ROBO2: variants seen among roughly 807,000 people sequenced by gnomAD.
ROBO2 encodes roundabout homolog 2.
In ROBO2, 53 loss-of-function variants were observed where a neutral mutation model predicts 160.8. That is an observed-to-expected ratio of 0.33 (90% CI 0.26 to 0.41). The LOEUF (loss-of-function observed/expected upper bound fraction) is 0.41. ROBO2 is among the 10% of genes least tolerant of loss of function. ROBO2 has a pLI of 1.00. For missense variants in ROBO2, 1,577 were observed against 1,722.4 expected (o/e 0.92, Z 1.49); for synonymous variants, 664 against 611.7 (o/e 1.09, Z -1.26).
chr3:76,289,631 A>G (rs7635866), intron 2 of ROBO2, among the ~76,000 whole-genome samples: 107,070 of 152,078 alleles, frequency 0.7, 41,523 homozygotes, highest in Non-Finnish European at 0.89. Flanking sequence ...TAGGTTTTAC[A>G]TTTATGTCTT....
intron 2 of ROBO2, among the ~76,000 whole-genome samples, chr3:76,247,688 G>A (rs762704480): frequency 3.3e-5 from 5 of 151,814 alleles, no homozygotes; most frequent in Admixed American, 6.6e-5. Flanking sequence ...TCTTCAACTC[G>A]CATCTTAAAT....
intron 2 of ROBO2, among the ~76,000 whole-genome samples, chr3:76,317,970 A>T (rs981060877): frequency 1.3e-5 from 2 of 152,056 alleles, no homozygotes; most frequent in African/African-American, 4.8e-5. Flanking sequence ...TTAAACTTCT[A>T]TTCAAATTCA....
At chr3:76,909,816 A>T (rs1260699200) in intron 2 of ROBO2, among the ~76,000 whole-genome samples, 1 of 152,198 alleles carries the variant, frequency 6.6e-6, no homozygotes. Context: ...AGCAGTCATG[A>T]TTTGAGGGGA....
intron 2 of ROBO2, among the ~76,000 whole-genome samples, chr3:76,804,668 T>A (rs1576729416): frequency 6.6e-6 from 1 of 152,196 alleles, no homozygotes; most frequent in Non-Finnish European, 1.5e-5. Flanking sequence ...TCTTAATATA[T>A]CATCTTTTCT....
chr3:76,386,297 C>T (rs1459551090), intron 2 of ROBO2, among the ~76,000 whole-genome samples: 1 of 151,200 alleles, frequency 6.6e-6, no homozygotes, highest in African/African-American at 2.4e-5. Flanking sequence ...CATATTACTC[C>T]TTCCCTTCCT....
intron 2 of ROBO2, among the ~76,000 whole-genome samples, chr3:77,271,949 C>T (rs1307699594): frequency 6.6e-6 from 1 of 152,150 alleles, no homozygotes; most frequent in Non-Finnish European, 1.5e-5. Flanking sequence ...ATTTCTTTGC[C>T]TGCTGCATGA....
chr3:76,566,247 G>A (rs2084511965), intron 2 of ROBO2, among the ~76,000 whole-genome samples: 1 of 152,204 alleles, frequency 6.6e-6, no homozygotes, highest in African/African-American at 2.4e-5. Context: ...TCTGCAAGGA[G>A]TACCTGTTAT....
intron 2 of ROBO2, among the ~76,000 whole-genome samples, chr3:76,408,982 T>A (rs1463960023): frequency 1.3e-5 from 2 of 151,892 alleles, no homozygotes; most frequent in Non-Finnish European, 2.9e-5. Flanking sequence ...TACACTAGGG[T>A]GTAGAAAATT....
intron 2 of ROBO2, among the ~76,000 whole-genome samples, chr3:77,462,513 C>T (rs1368498748): frequency 6.6e-6 from 1 of 152,134 alleles, no homozygotes; most frequent in Non-Finnish European, 1.5e-5. Context: ...GGAAAATTGC[C>T]ATTTGTGTCA....
At chr3:77,179,492 A>G (rs2080490722) in intron 2 of ROBO2, among the ~76,000 whole-genome samples, 1 of 152,086 alleles carries the variant, frequency 6.6e-6, no homozygotes, top group Admixed American at 6.6e-5. Context: ...TATGAGAAAA[A>G]TTGTAATATT....
intron 2 of ROBO2, among the ~76,000 whole-genome samples, chr3:76,363,932 G>C (rs754664767): frequency 4.0e-5 from 6 of 151,766 alleles, no homozygotes; most frequent in Non-Finnish European, 5.9e-5. Context: ...TTAAACCTTG[G>C]TCACAGAAAG....
At chr3:76,206,587 G>A (rs1198007022) in intron 2 of ROBO2, among the ~76,000 whole-genome samples, 11 of 152,092 alleles carry the variant, frequency 7.2e-5, no homozygotes, top group South Asian at 2.1e-4. Context: ...TGGGTCCAAC[G>A]TGCATATAGA....
chr3:76,774,632 A>G (rs1236515926), intron 2 of ROBO2, among the ~76,000 whole-genome samples: 1 of 150,786 alleles, frequency 6.6e-6, no homozygotes, highest in Non-Finnish European at 1.5e-5. Flanking sequence ...TAAGGACAAT[A>G]AGATGGAAGA....
At chr3:76,029,580 T>C (rs1476207672) in intron 2 of ROBO2, among the ~76,000 whole-genome samples, 5 of 152,100 alleles carry the variant, frequency 3.3e-5, no homozygotes, top group African/African-American at 1.2e-4. Context: ...AGTGTTCTCA[T>C]TGTTCAATTC....
At chr3:76,195,708 A>G (rs1331231703) in intron 2 of ROBO2, among the ~76,000 whole-genome samples, 1 of 152,204 alleles carries the variant, frequency 6.6e-6, no homozygotes, top group Non-Finnish European at 1.5e-5. Flanking sequence ...CAAAGCCAAT[A>G]AGGAGAAGAA....
chr3:76,586,932 C>T (rs2086076854), intron 2 of ROBO2, among the ~76,000 whole-genome samples: 1 of 152,204 alleles, frequency 6.6e-6, no homozygotes, highest in Non-Finnish European at 1.5e-5. Context: ...GGTCAGGGAA[C>T]ATGAAAATTG....
chr3:76,912,147 G>A (rs928185869), intron 2 of ROBO2, among the ~76,000 whole-genome samples: 3 of 151,992 alleles, frequency 2.0e-5, no homozygotes, highest in Non-Finnish European at 4.4e-5. Context: ...TTGTGATCCC[G>A]AGCAAATTAA....
At chr3:76,344,344 C>G (rs1025768021) in intron 2 of ROBO2, among the ~76,000 whole-genome samples, 3 of 152,076 alleles carry the variant, frequency 2.0e-5, no homozygotes, top group Non-Finnish European at 4.4e-5. Flanking sequence ...CTTCAGATAA[C>G]TGATGACATG....
rs57061903 is a variant in ROBO2, at chr3:76,381,034, TAA to T, written c.109+443448_109+443449del. 8.0e-4 allele frequency among the ~76,000 whole-genome samples: 84 copies of T among 105,396 alleles called. 1 individual carries two copies. Among genetic ancestry groups the T allele is most frequent in the African/African-American group, 1.3e-3 (42 of 32,768 alleles). 69.1% of individuals were successfully genotyped at this position (105,396 alleles called of 152,430 possible). On this transcript the variant is annotated intron_variant, in intron 2 of 26. Transcript: ENST00000487694. ...GCATTTACAGCTTACGTGAGCGGACTAAAAAAAAAAAAAAAAAGCAGATAAAT... is the reference window on the plus strand; with the variant it reads ...GCATTTACAGCTTACGTGAGCGGACTAAAAAAAAAAAAAAAGCAGATAAAT...
Sources: allele counts gnomAD v4.1 joint callset (sites outside exome capture counted in the v4.1 genomes callset), GRCh38; gene constraint gnomAD v4.1.1; transcripts MANE v1.5; gene names NCBI Gene and HGNC (gene_info 2026-07-23, HGNC 2026-07-21).